The following PAMR1 variants were observed in gnomAD, a reference collection of about 807,000 sequenced individuals.
The protein encoded by PAMR1 is inactive serine protease PAMR1.
A neutral mutation model predicts 81.8 loss-of-function variants in PAMR1; 88 were observed. The ratio of observed to expected loss-of-function variants is 1.08; its 90% confidence interval spans 0.91 to 1.28. PAMR1 has a LOEUF of 1.28. Ranked by LOEUF, PAMR1 falls within the 50% of genes most tolerant of loss-of-function variation. The pLI is 0.00. For synonymous variants in PAMR1, 336 were observed against 345.3 expected (o/e 0.97, Z 0.30); for missense variants, 935 against 919.7 (o/e 1.02, Z -0.21).
In PAMR1 at chr11:35,480,010, CAT is replaced by C. The variant is rs1181222101; in HGVS notation, c.380-5268_380-5267del. Among the ~76,000 whole-genome samples the C allele has an allele frequency of 7.9e-5, 12 of 152,270 alleles. No individual in the cohort carries two copies. The East Asian group carries it at 2.3e-3, about 29-fold the overall frequency. On this transcript the variant is annotated intron_variant, in intron 3 of 10. Coordinates refer to ENST00000619888, the MANE Select transcript of PAMR1 (RefSeq NM_001001991.3). ...GTCCTCAGCTCAGCCTGTGAGTTGA[CAT>C]ATAACCCCAATCCACCTGACTCTAT...
At position 35,432,030 on chromosome 11, in the gene PAMR1, A is replaced by G. The variant is rs114924477; in HGVS notation, c.*326T>C. Reference sequence around the variant, plus strand: ...ATGAAGCCCAGATCTTCCCTGGTCAAGCTGATGGCATTCGTATAACTGAAA... The same window carrying G: ...ATGAAGCCCAGATCTTCCCTGGTCAGGCTGATGGCATTCGTATAACTGAAA... On this transcript the variant is annotated 3_prime_UTR_variant, in exon 11 of 11. Coordinates refer to ENST00000619888, the MANE Select transcript of PAMR1 (RefSeq NM_001001991.3). 3.9e-3 allele frequency: 1,181 copies of G among 302,300 alleles called. 8 individuals are homozygous for G. Among genetic ancestry groups the G allele is most frequent in the African/African-American group, 0.021 (980 of 46,452 alleles). The allele number at this position is 302,300 out of a possible 1,614,324, so 18.7% of individuals were successfully genotyped here. A position where few individuals can be genotyped will look rare whatever the true frequency, so the allele number is the denominator to read the frequency against.
chr11:35,483,534 TCTC>T (rs1273007654), intron 3 of PAMR1, among the ~76,000 whole-genome samples: 2 of 152,024 alleles, frequency 1.3e-5, no homozygotes, highest in African/African-American at 4.8e-5. Flanking sequence ...TTTCCTGTCT[TCTC>T]CTCCTCCTTC....
Position 35,504,762 on chromosome 11 carries a change from C to CT in PAMR1, c.74-10491dup, listed in dbSNP as rs35745461. Among the ~76,000 whole-genome samples, 69 of 151,386 alleles carry CT rather than the reference C, an allele frequency of 4.6e-4. 1 individual carries two copies. In the South Asian group the frequency reaches 0.013, roughly 28 times the overall value. Reference sequence around the variant, plus strand: ...CTAATTTTATTTAATTGGGATTCCTCTTTTTTTTAATTTTAGCTAAAGGTT... The same window carrying CT: ...CTAATTTTATTTAATTGGGATTCCTCTTTTTTTTTAATTTTAGCTAAAGGTT... On this transcript the variant is annotated intron_variant, in intron 1 of 10. Coordinates refer to ENST00000619888, the MANE Select transcript of PAMR1 (RefSeq NM_001001991.3).
intron 1 of PAMR1, among the ~76,000 whole-genome samples, chr11:35,518,691 A>G (rs73453235): frequency 0.015 from 2,293 of 152,016 alleles, 68 homozygotes; most frequent in African/African-American, 0.052. Flanking sequence ...TAGAAGTGCA[A>G]CTGGATTTGA....
intron 1 of PAMR1, among the ~76,000 whole-genome samples, chr11:35,500,776 A>G (rs1667672145): frequency 6.6e-6 from 1 of 152,248 alleles, no homozygotes; most frequent in Non-Finnish European, 1.5e-5. Context: ...ACCTACACAC[A>G]GGCTACAAAC....
At chr11:35,453,979 G>T in intron 6 of PAMR1, among the ~76,000 whole-genome samples, 1 of 152,112 alleles carries the variant, frequency 6.6e-6, no homozygotes, top group South Asian at 2.1e-4. Context: ...GGAATCAAAG[G>T]TGCATTTCTC....
chr11:35,434,810 G>C lies in PAMR1; in HGVS notation c.1334-6C>G, dbSNP rs201251563. On this transcript the variant is annotated splice_region_variant and splice_polypyrimidine_tract_variant and intron_variant, in intron 9 of 10. Coordinates refer to ENST00000619888, the MANE Select transcript of PAMR1 (RefSeq NM_001001991.3). ...GTTCTCAATTTTCCCGCAGACTATG[G>C]AGAAAGTACCAGCTTAGTAAGATAA... 4.1e-5 allele frequency: 66 copies of C among 1,610,602 alleles called. No homozygotes were observed. In the African/African-American group the frequency reaches 7.6e-4, roughly 19 times the overall value.
At chr11:35,500,115 CT>C (rs1256591574) in intron 1 of PAMR1, among the ~76,000 whole-genome samples, 2 of 152,184 alleles carry the variant, frequency 1.3e-5, no homozygotes, top group Non-Finnish European at 2.9e-5. Context: ...CCTGCCAACC[CT>C]TTGATTTTAG....
chr11:35,479,079 A>T (rs1227272240), intron 3 of PAMR1, among the ~76,000 whole-genome samples: 4 of 152,184 alleles, frequency 2.6e-5, no homozygotes, highest in African/African-American at 9.7e-5. Context: ...TTAGCCTCAG[A>T]CAAAAGTCTT....
chr11:35,462,442 T>C (rs974954624), intron 6 of PAMR1, among the ~76,000 whole-genome samples: 1 of 152,210 alleles, frequency 6.6e-6, no homozygotes, highest in Non-Finnish European at 1.5e-5. Flanking sequence ...GGTGGCAATA[T>C]TTAGTGTTTA....
At chr11:35,481,187 G>A (rs1000763288) in intron 3 of PAMR1, among the ~76,000 whole-genome samples, 3 of 152,140 alleles carry the variant, frequency 2.0e-5, no homozygotes, top group African/African-American at 7.2e-5. Context: ...TGTCTCTATA[G>A]TAGAAAGATT....
At chr11:35,488,296 G>T (rs1487366339) in intron 3 of PAMR1, among the ~76,000 whole-genome samples, 1 of 145,940 alleles carries the variant, frequency 6.9e-6, no homozygotes, top group Non-Finnish European at 1.5e-5. Flanking sequence ...GCTCACTGCA[G>T]CTTCAAAATC....
intron 6 of PAMR1, among the ~76,000 whole-genome samples, chr11:35,451,206 T>C (rs1218015461): frequency 6.6e-6 from 1 of 152,240 alleles, no homozygotes; most frequent in Non-Finnish European, 1.5e-5. Flanking sequence ...AGGGTTCTAA[T>C]GGCTTGTAGC....
intron 1 of PAMR1, among the ~76,000 whole-genome samples, chr11:35,521,012 G>A (rs1851262004): frequency 6.6e-6 from 1 of 152,166 alleles, no homozygotes; most frequent in Non-Finnish European, 1.5e-5. Context: ...CAAGACTTCT[G>A]CATATTCCTG....
At chr11:35,450,129 CAAAAAAAAAA>C (rs60887441) in intron 6 of PAMR1, among the ~76,000 whole-genome samples, 21 of 43,050 alleles carry the variant, frequency 4.9e-4, no homozygotes, top group Admixed American at 2.2e-3. Context: ...TGCCTCCAGG[CAAAAAAAAAA>C]AAAAAAAAAA....
At chr11:35,495,824 A>G (rs1282289473) in intron 1 of PAMR1, among the ~76,000 whole-genome samples, 1 of 152,220 alleles carries the variant, frequency 6.6e-6, no homozygotes, top group Non-Finnish European at 1.5e-5. Context: ...GCCTCAGGTC[A>G]TAAGAACATG....
At chr11:35,451,931 C>A (rs1224834486) in intron 6 of PAMR1, 11 of 694,992 alleles carry the variant, frequency 1.6e-5, no homozygotes, top group African/African-American at 3.6e-5. Flanking sequence ...ACTTCCCAGC[C>A]TCCAGAACTG....
At chr11:35,465,098 T>A (rs1170266268) in intron 6 of PAMR1, among the ~76,000 whole-genome samples, 2 of 152,144 alleles carry the variant, frequency 1.3e-5, no homozygotes, top group Non-Finnish European at 2.9e-5. Context: ...AAATGTGAAA[T>A]TATGGCCTCT....
intron 1 of PAMR1, among the ~76,000 whole-genome samples, chr11:35,501,826 A>G (rs1850850404): frequency 6.6e-6 from 1 of 152,200 alleles, no homozygotes; most frequent in Non-Finnish European, 1.5e-5. Context: ...TCTTTCACCA[A>G]TCATCCACCG....
Sources: allele counts gnomAD v4.1 joint callset (sites outside exome capture counted in the v4.1 genomes callset), GRCh38; gene constraint gnomAD v4.1.1; transcripts MANE v1.5; gene names NCBI Gene and HGNC (gene_info 2026-07-23, HGNC 2026-07-21).